Variants in ZNF662 observed in about 807,000 individuals in gnomAD.
ZNF662 encodes zinc finger protein 662.
A neutral mutation model predicts 12.4 loss-of-function variants in ZNF662; 14 were observed. The ratio of observed to expected loss-of-function variants is 1.13; its 90% CI spans 0.75 to 1.77. ZNF662 has a LOEUF of 1.77. Among genes scored for constraint, ZNF662 ranks in the 40% most tolerant of loss-of-function variants. The pLI, the probability that ZNF662 is intolerant of heterozygous loss-of-function variation, is 0.00. For synonymous variants in ZNF662, 184 were observed against 176.4 expected (o/e 1.04, Z -0.34); for missense variants, 550 against 515.6 (o/e 1.07, Z -0.65).
At position 42,915,330 on chromosome 3, in the gene ZNF662, G is replaced by C. The variant is rs1476880596; in HGVS notation, c.1257G>C (p.Gln419His). 2 of 1,583,552 alleles carry C rather than the reference G, an allele frequency of 1.3e-6. No individual in the cohort carries two copies. The highest frequency in any genetic ancestry group is 1.7e-6 in the Non-Finnish European group (2 of 1,167,368). Reference protein sequence around the residue: ...RHARDKPYNCQISHLLEH With the variant: ...RHARDKPYNCHISHLLEH ...CTAGAGACAAACCCTATAACTGTCA[G>C]ATCTCTCACCTTCTTGAACATTAGA... The change falls in exon 5 of 5, where the codon CAG (glutamine) becomes CAC (histidine). Residue 419 changes from glutamine (Q) to histidine (H), a missense_variant. By Grantham distance (24) the Gln-to-His change is conservative (BLOSUM62 0). Transcript: ENST00000440367.
chr3:42,907,251 G>A (rs1227919128), intron 1 of ZNF662, among the ~76,000 whole-genome samples: 4 of 152,188 alleles, frequency 2.6e-5, no homozygotes, highest in East Asian at 1.9e-4. Context: ...AGATTGGGAC[G>A]TGGGTAAGCA....
intron 2 of ZNF662, chr3:42,908,402 G>T (rs889393760): frequency 7.7e-7 from 1 of 1,297,518 alleles, no homozygotes; most frequent in African/African-American, 1.5e-5. Context: ...ATAGTGAGAA[G>T]AGAGCAAATT....
Position 42,909,917 on chromosome 3 carries a change from CG to C in ZNF662, c.151+1011del, listed in dbSNP as rs1211822624. ...CCCCACATCCCAGAGGATGGGCGGCCGGGCAGAGACGCTCCTCACTTCCTAG... is the reference window on the plus strand; with the variant it reads ...CCCCACATCCCAGAGGATGGGCGGCCGGCAGAGACGCTCCTCACTTCCTAG... On this transcript the variant is annotated intron_variant, in intron 3 of 4. Transcript: ENST00000440367. Among the ~76,000 whole-genome samples the C allele has an allele frequency of 7.2e-4, 109 of 151,860 alleles. 1 individual carries two copies. The highest frequency in any genetic ancestry group is 2.5e-3 in the African/African-American group (105 of 41,378).
Position 42,908,896 on chromosome 3 carries a change from G to A in ZNF662, c.138G>A (p.Arg46=), listed in dbSNP as rs749443288. The A allele has an allele frequency of 1.9e-6, 3 of 1,613,822 alleles. No individual in the cohort carries two copies. The African/African-American group carries it at 4.0e-5, about 22-fold the overall frequency. Residue 46 remains arginine, a synonymous_variant, in exon 3 of 5, where the codon AGG becomes AGA. Transcript: ENST00000440367. ...GAGCTCTGGATGGAGAGGCCCCAAG[G>A]GGCATCTCCTCAGGTGAGTGAGGGC... ...PRGALDGEAP[R]GISSGYPFLK...
rs1326099999 is a variant in ZNF662, at chr3:42,917,961, C to A, written c.*2607C>A. On this transcript the variant is annotated 3_prime_UTR_variant, in exon 5 of 5. Transcript: ENST00000440367. Reference sequence around the variant, plus strand: ...GTCTCTACTAAAAATACAAAATTAGCCAGGTGTGGTGGCACATGCCAGTAA... The same window carrying A: ...GTCTCTACTAAAAATACAAAATTAGACAGGTGTGGTGGCACATGCCAGTAA... 6.6e-6 allele frequency among the ~76,000 whole-genome samples: 1 copy of A among 152,172 alleles called. No homozygotes were observed. Among genetic ancestry groups the A allele is most frequent in the Non-Finnish European group, 1.5e-5 (1 of 68,014 alleles).
chr3:42,914,292 A>C (rs780756203), intron 4 of ZNF662, 35 bp from the exon 5 acceptor site: 2 of 1,534,838 alleles, frequency 1.3e-6, no homozygotes, highest in Non-Finnish European at 1.8e-6. Context: ...GTCATGGATA[A>C]TGATGACATT....
Position 42,915,620 on chromosome 3 carries a change from G to A in ZNF662, c.*266G>A. ...TAATTTGCATAACAATCCTATTAAGGTAGGTGCTCTTCTCCCCATTTTACA... is the reference window on the plus strand; with the variant it reads ...TAATTTGCATAACAATCCTATTAAGATAGGTGCTCTTCTCCCCATTTTACA... On this transcript the variant is annotated 3_prime_UTR_variant, in exon 5 of 5. Transcript: ENST00000440367. 2.9e-6 allele frequency: 1 copy of A among 346,420 alleles called. No homozygotes were observed. The highest frequency in any genetic ancestry group is 4.7e-5 in the East Asian group (1 of 21,318). 21.5% of individuals were successfully genotyped at this position (346,420 alleles called of 1,614,324 possible).
rs2088905163 is a variant in ZNF662, at chr3:42,917,335, AAG to A, written c.*1986_*1987del. On this transcript the variant is annotated 3_prime_UTR_variant, in exon 5 of 5. Transcript: ENST00000440367. ...TGAGGAGATACTGGCTCTTCTGGAA[AAG>A]AGAGGCTTTTCTTCATCGAGAGCTA... is the stretch of plus-strand genomic sequence containing the variant. 5.0e-6 allele frequency: 3 copies of A among 598,704 alleles called. No homozygotes were observed. The highest frequency in any genetic ancestry group is 1.9e-5 in the African/African-American group (1 of 53,516). The allele number at this position is 598,704 out of a possible 1,614,324, so 37.1% of individuals were successfully genotyped here. A position where few individuals can be genotyped will look rare whatever the true frequency, so the allele number is the denominator to read the frequency against.
chr3:42,915,052 A>G lies in ZNF662; in HGVS notation c.979A>G (p.Thr327Ala), dbSNP rs745346488. ...CCTTCTTCGACATCAGAGAATGCAC[A>G]CTGGGGAGAAGCCTTACGAATGTAA... Reference protein sequence around the residue: ...PALLRHQRMHTGEKPYECKDC... With the variant: ...PALLRHQRMHAGEKPYECKDC... Residue 327 changes from threonine (T) to alanine (A), a missense_variant, in exon 5 of 5, where the codon ACT (threonine) becomes GCT (alanine). By Grantham distance (58) the Thr-to-Ala change is moderately conservative. Coordinates refer to ENST00000440367, the MANE Select transcript of ZNF662 (RefSeq NM_207404.4). 3.7e-6 allele frequency: 6 copies of G among 1,614,130 alleles called. No homozygotes were observed. Among genetic ancestry groups the G allele is most frequent in the East Asian group, 2.2e-5 (1 of 44,822 alleles).
chr3:42,912,567 A>C (rs375130176), intron 3 of ZNF662, among the ~76,000 whole-genome samples: 2 of 19,166 alleles, frequency 1.0e-4, no homozygotes, highest in African/African-American at 2.3e-4. Context: ...TATATATATA[A>C]ATACATATTT....
At position 42,914,617 on chromosome 3, in the gene ZNF662, C is replaced by T. The variant is rs530469778; in HGVS notation, c.544C>T (p.His182Tyr). The T allele has an allele frequency of 6.2e-7, 1 of 1,614,126 alleles. No individual in the cohort carries two copies. Among genetic ancestry groups the T allele is most frequent in the Admixed American group, 1.7e-5 (1 of 60,004 alleles). ...NTDVNNLLGI[H>Y]HKILNEQIFY... Reference sequence around the variant, plus strand: ...TGATGTCAATAACCTCCTTGGTATACATCACAAAATTCTAAATGAGCAAAT... The same window carrying T: ...TGATGTCAATAACCTCCTTGGTATATATCACAAAATTCTAAATGAGCAAAT... The change falls in exon 5 of 5, where the codon CAT becomes TAT. Residue 182 changes from histidine (H) to tyrosine (Y), a missense_variant. Physicochemically the swap from His to Tyr is moderately conservative, Grantham distance 83 (BLOSUM62 2). Transcript: ENST00000440367.
rs776500392 is a variant in ZNF662 at position 42,915,095 on chromosome 3, T to G, written c.1022T>G (p.Phe341Cys). The change falls in exon 5 of 5, where the codon TTC becomes TGC. Residue 341 changes from phenylalanine (F) to cysteine (C), a missense_variant. Transcript: ENST00000440367. ...PYECKDCGKGFMWNSDLSQHQ... is the reference protein window; with the variant it reads ...PYECKDCGKGCMWNSDLSQHQ... ...GAATGTAAGGACTGTGGGAAGGGCT[T>G]CATGTGGAACTCAGATCTTTCTCAG... 1.2e-6 allele frequency: 2 copies of G among 1,614,184 alleles called. No homozygotes were observed. Among genetic ancestry groups the G allele is most frequent in the South Asian group, 1.1e-5 (1 of 91,076 alleles).
chr3:42,913,347 TC>T, intron 4 of ZNF662, 45 bp downstream of exon 4: 2 of 1,473,222 alleles, frequency 1.4e-6, no homozygotes, highest in Non-Finnish European at 1.9e-6. Context: ...TCACATCTTT[TC>T]CTATCTTTCT....
chr3:42,915,027 CCTT>C lies in ZNF662; in HGVS notation c.959_961del (p.Leu320del). 1 of 1,614,082 alleles carries C rather than the reference CCTT, an allele frequency of 6.2e-7. No homozygotes were observed. Among genetic ancestry groups the C allele is most frequent in the African/African-American group, 1.3e-5 (1 of 75,008 alleles). Reference sequence around the variant, plus strand: ...GGAAAAGCTTTACTCGAAACCCAGCCCTTCTTCGACATCAGAGAATGCACACTG... The same window carrying C: ...GGAAAAGCTTTACTCGAAACCCAGCCCTTCGACATCAGAGAATGCACACTG... On this transcript the variant is annotated inframe_deletion, in exon 5 of 5. Transcript: ENST00000440367.
Position 42,906,506 on chromosome 3 carries a change from G to A in ZNF662, c.-94+338G>A. 1.5e-6 allele frequency: 2 copies of A among 1,340,850 alleles called. No homozygotes were observed. Among genetic ancestry groups the A allele is most frequent in the Non-Finnish European group, 1.9e-6 (2 of 1,033,976 alleles). The allele number at this position is 1,340,850 out of a possible 1,614,324, so 83.1% of individuals were successfully genotyped here. On this transcript the variant is annotated intron_variant, in intron 1 of 4. Coordinates refer to ENST00000440367, the MANE Select transcript of ZNF662 (RefSeq NM_207404.4). This position sits in a 1 kb window ranked among gnomAD's most constrained non-coding sequence, Gnocchi z 4.4. The stretch of plus-strand genomic sequence containing the variant: ...GCCCTGGGTTCTAGGCCCGGAGACG[G>A]GGTGGTGCGGCGGCTGGGAAATGGG...
chr3:42,914,724 G>A lies in ZNF662; in HGVS notation c.651G>A (p.Glu217=), dbSNP rs764522162. Residue 217 remains glutamate, a synonymous_variant, in exon 5 of 5, where the codon GAG becomes GAA. Coordinates refer to ENST00000440367, the MANE Select transcript of ZNF662 (RefSeq NM_207404.4). Reference sequence around the variant, plus strand: ...AACACCAGAAAACTCATAATGGAGAGAAGGTCTATGGATGTAAGGAATGTG... The same window carrying A: ...AACACCAGAAAACTCATAATGGAGAAAAGGTCTATGGATGTAAGGAATGTG... ...FDQHQKTHNG[E]KVYGCKECGK... 1 of 1,614,202 alleles carries A rather than the reference G, an allele frequency of 6.2e-7. No homozygotes were observed. The highest frequency in any genetic ancestry group is 1.1e-5 in the South Asian group (1 of 91,080).
In ZNF662 at chr3:42,915,572, G is replaced by A. The variant is rs894674221; in HGVS notation, c.*218G>A. On this transcript the variant is annotated 3_prime_UTR_variant, in exon 5 of 5. Coordinates refer to ENST00000440367, the MANE Select transcript of ZNF662 (RefSeq NM_207404.4). ...TTAGTTGGGCAGCTACTCTGTATCA[G>A]GTGCTAACCACTTTACATACATTAA... is the stretch of plus-strand genomic sequence containing the variant. 20 of 501,532 alleles carry A rather than the reference G, an allele frequency of 4.0e-5. No individual in the cohort carries two copies. The East Asian group carries it at 6.2e-4, about 16-fold the overall frequency. The allele number at this position is 501,532 out of a possible 1,614,324, so 31.1% of individuals were successfully genotyped here.
rs752508785 is a variant in ZNF662 at position 42,908,085 on chromosome 3, C to T, written c.-30C>T. The T allele has an allele frequency of 1.9e-6, 3 of 1,614,066 alleles. No homozygotes were observed. Among genetic ancestry groups the T allele is most frequent in the African/African-American group, 1.3e-5 (1 of 74,932 alleles). On this transcript the variant is annotated 5_prime_UTR_variant, in exon 2 of 5. Transcript: ENST00000440367. ...TGAGAACGAATGGATCGGCCTGGGC[C>T]CTGCTCAGAGAGCCCTGTACAGGGA...
chr3:42,910,395 TG>T, intron 3 of ZNF662, among the ~76,000 whole-genome samples: 1 of 152,250 alleles, frequency 6.6e-6, no homozygotes, highest in Non-Finnish European at 1.5e-5. Flanking sequence ...TATATCTTCT[TG>T]AGTTCTTGTT....
Sources: allele counts gnomAD v4.1 joint callset (sites outside exome capture counted in the v4.1 genomes callset), GRCh38; gene constraint gnomAD v4.1.1; non-coding constraint Gnocchi (gnomAD v3.1); transcripts MANE v1.5; gene names NCBI Gene and HGNC (gene_info 2026-07-23, HGNC 2026-07-21).